RNF182: variants seen among roughly 807,000 people sequenced by gnomAD.
RNF182 encodes the protein ring finger protein 182.
A neutral mutation model predicts 14.4 loss-of-function variants in RNF182; 15 were observed. The observed-to-expected ratio is 1.04, with a 90% confidence interval of 0.70 to 1.60. The LOEUF (loss-of-function observed/expected upper bound fraction) is 1.60. Among genes scored for constraint, RNF182 ranks in the 40% most tolerant of loss-of-function variants. The pLI, the probability that RNF182 is intolerant of heterozygous loss-of-function variation, is 0.00. For missense variants in RNF182, 268 were observed against 294.8 expected (o/e 0.91, Z 0.67); for synonymous variants, 128 against 122.9 (o/e 1.04, Z -0.27).
intron 1 of RNF182, among the ~76,000 whole-genome samples, chr6:13,947,792 T>C (rs1309836929): frequency 6.6e-6 from 1 of 152,200 alleles, no homozygotes; most frequent in East Asian, 1.9e-4. Flanking sequence ...ACCAGTTTGT[T>C]TACATTTGAA....
rs1239416873 is a variant in RNF182, at chr6:13,978,695, T to G, written c.*832T>G. ...TTAGTTTTGGTTTTTTTAAACCACA[T>G]TGCCCAATCAGCCTCACCCCTTGTC... On this transcript the variant is annotated 3_prime_UTR_variant, in exon 3 of 3. Coordinates refer to ENST00000488300, the MANE Select transcript of RNF182 (RefSeq NM_152737.4). 1 of 167,114 alleles carries G rather than the reference T, an allele frequency of 6.0e-6. No homozygotes were observed. Among genetic ancestry groups the G allele is most frequent in the Non-Finnish European group, 1.5e-5 (1 of 68,120 alleles). The allele number at this position is 167,114 out of a possible 1,614,324, so 10.4% of individuals were successfully genotyped here. A position where few individuals can be genotyped will look rare whatever the true frequency, so the allele number is the denominator to read the frequency against.
intron 1 of RNF182, 76 bp from the exon 2 acceptor site, chr6:13,974,130 CTTTT>C (rs200668946): frequency 6.8e-6 from 1 of 146,540 alleles, no homozygotes; most frequent in Non-Finnish European, 1.5e-5. Context: ...ATAGATGAAA[CTTTT>C]TTTTTTTTAA....
chr6:13,978,066 A>G lies in RNF182; in HGVS notation c.*203A>G, dbSNP rs1030643527. On this transcript the variant is annotated 3_prime_UTR_variant, in exon 3 of 3. Coordinates refer to ENST00000488300, the MANE Select transcript of RNF182 (RefSeq NM_152737.4). ...TCTACTTAGGGGTTAGCAAAATTGT[A>G]TAAGCTCACACTTCATGGAGCACTG... The G allele has an allele frequency of 1.4e-5, 8 of 558,456 alleles. No homozygotes were observed. The highest frequency in any genetic ancestry group is 1.3e-4 in the South Asian group (5 of 37,972). The allele number at this position is 558,456 out of a possible 1,614,324, so 34.6% of individuals were successfully genotyped here.
intron 1 of RNF182, among the ~76,000 whole-genome samples, chr6:13,952,784 T>C (rs1372146440): frequency 1.3e-5 from 2 of 151,936 alleles, no homozygotes; most frequent in Non-Finnish European, 2.9e-5. Context: ...AATAAAAAGG[T>C]GACTACTCCA....
chr6:13,931,552 TG>T lies in RNF182; in HGVS notation c.-367+6536del, dbSNP rs1311228167. On this transcript the variant is annotated intron_variant, in intron 1 of 2. Transcript: ENST00000488300. ...GGTGCATACTTTCCTTGATAACTCC[TG>T]GGGGGGAAAAAGGAATGAGACTTAG... 2.6e-5 allele frequency among the ~76,000 whole-genome samples: 4 copies of T among 151,958 alleles called. No homozygotes were observed. In the South Asian group the frequency reaches 6.2e-4, roughly 24 times the overall value.
intron 1 of RNF182, among the ~76,000 whole-genome samples, chr6:13,969,985 A>G (rs1561787694): frequency 6.6e-6 from 1 of 152,158 alleles, no homozygotes; most frequent in Non-Finnish European, 1.5e-5. Context: ...GGCATGCTAC[A>G]GATATGTCCA....
chr6:13,956,784 C>A (rs1759745202), intron 1 of RNF182, among the ~76,000 whole-genome samples: 1 of 152,140 alleles, frequency 6.6e-6, no homozygotes, highest in Non-Finnish European at 1.5e-5. Context: ...TTTCTCTCAA[C>A]CACAAATATA....
At chr6:13,937,438 G>A (rs564306845) in intron 1 of RNF182, among the ~76,000 whole-genome samples, 1 of 152,216 alleles carries the variant, frequency 6.6e-6, no homozygotes, top group Non-Finnish European at 1.5e-5. Flanking sequence ...ATGTGTGTGT[G>A]TATGATAGCT....
intron 1 of RNF182, chr6:13,949,310 C>A (rs1759523051): frequency 2.6e-6 from 2 of 775,834 alleles, no homozygotes; most frequent in Non-Finnish European, 4.8e-6. Context: ...ATGTGGGCAT[C>A]CTGCGGTAAT....
intron 1 of RNF182, among the ~76,000 whole-genome samples, chr6:13,933,631 G>A (rs915807859): frequency 2.2e-4 from 34 of 152,030 alleles, no homozygotes; most frequent in Non-Finnish European, 1.5e-5. Context: ...TTATTAATGA[G>A]ATTTTAAACA....
At chr6:13,942,368 A>G (rs530653670) in intron 1 of RNF182, among the ~76,000 whole-genome samples, 5 of 152,160 alleles carry the variant, frequency 3.3e-5, no homozygotes, top group East Asian at 3.9e-4. Context: ...TTGAGACAAA[A>G]TCTTGCTCTG....
intron 1 of RNF182, among the ~76,000 whole-genome samples, chr6:13,930,700 G>C (rs1758946302): frequency 6.6e-6 from 1 of 152,188 alleles, no homozygotes; most frequent in Non-Finnish European, 1.5e-5. Flanking sequence ...TAGTTCTGTA[G>C]GTTCTTTTAA....
intron 1 of RNF182, among the ~76,000 whole-genome samples, chr6:13,944,667 A>G (rs1488287399): frequency 6.6e-6 from 1 of 152,246 alleles, no homozygotes; most frequent in African/African-American, 2.4e-5. Flanking sequence ...ACGAATGTTT[A>G]GTTAACCAGG....
chr6:13,955,629 C>T (rs1242256325), intron 1 of RNF182, among the ~76,000 whole-genome samples: 1 of 152,220 alleles, frequency 6.6e-6, no homozygotes, highest in African/African-American at 2.4e-5. Context: ...TGCACAGCAA[C>T]CACAGGGCCC....
chr6:13,949,405 G>T, intron 1 of RNF182: 2 of 742,516 alleles, frequency 2.7e-6, no homozygotes, highest in South Asian at 2.9e-5. Flanking sequence ...AAAAAGGCAA[G>T]AGAAAGACTG....
chr6:13,951,811 A>T (rs1205845197), intron 1 of RNF182, among the ~76,000 whole-genome samples: 3 of 152,060 alleles, frequency 2.0e-5, no homozygotes, highest in Non-Finnish European at 4.4e-5. Context: ...ATAGGCAAAG[A>T]CTCTCAGTTT....
intron 1 of RNF182, among the ~76,000 whole-genome samples, chr6:13,939,012 G>A (rs1343496624): frequency 6.6e-6 from 1 of 152,160 alleles, no homozygotes; most frequent in Non-Finnish European, 1.5e-5. Flanking sequence ...GAACCCAGGA[G>A]GCAGAGGTTG....
intron 1 of RNF182, among the ~76,000 whole-genome samples, chr6:13,972,081 A>C (rs1219478383): frequency 1.3e-5 from 2 of 152,112 alleles, no homozygotes; most frequent in Non-Finnish European, 2.9e-5. Context: ...CAGGCAGATC[A>C]CGAGATCAGG....
intron 1 of RNF182, among the ~76,000 whole-genome samples, chr6:13,966,210 C>T (rs1162161386): frequency 6.6e-6 from 1 of 152,158 alleles, no homozygotes; most frequent in Non-Finnish European, 1.5e-5. Context: ...GAAATATCAT[C>T]ACCTATTTTC....
Sources: gnomAD v4.1 joint callset for allele counts (sites outside exome capture counted in the v4.1 genomes callset) on GRCh38, gnomAD v4.1.1 for gene constraint, MANE v1.5 for transcripts, NCBI Gene and HGNC (gene_info 2026-07-23, HGNC 2026-07-21) for gene names.